Variants in BRD10 observed in about 807,000 individuals in gnomAD.
BRD10 encodes the protein bromodomain containing 10.
the BRD10 span, among the ~76,000 whole-genome samples, chr9:5,902,377 C>T: frequency 6.6e-6 from 1 of 152,076 alleles, no homozygotes; most frequent in Admixed American, 6.6e-5. Context: ...CTTAGCCTAG[C>T]TAAAGGCTTA....
chr9:5,919,774 CTGAGAGAGAGAT>C, the BRD10 span: 2 of 1,613,668 alleles, frequency 1.2e-6, no homozygotes, highest in Non-Finnish European at 1.7e-6. Context: ...ATACAACAAT[CTGAGAGAGAGAT>C]GGAGAGAGTG....
At chr9:5,900,837 T>A in the BRD10 span, among the ~76,000 whole-genome samples, 9,506 of 152,274 alleles carry the variant, frequency 0.062, 971 homozygotes, top group African/African-American at 0.21. Context: ...ACATCTTCAC[T>A]TGGAAGTTCA....
chr9:5,968,920 C>T, the BRD10 span: 13 of 1,612,196 alleles, frequency 8.1e-6, no homozygotes, highest in East Asian at 1.1e-4. Context: ...GTGTTTCATA[C>T]ACAAAGTCAC....
At chr9:5,965,549 T>C in the BRD10 span, among the ~76,000 whole-genome samples, 2 of 152,248 alleles carry the variant, frequency 1.3e-5, no homozygotes, top group African/African-American at 4.8e-5. Flanking sequence ...AGAGATTATA[T>C]GTTTGATTAC....
the BRD10 span, among the ~76,000 whole-genome samples, chr9:5,918,133 T>A: frequency 6.6e-6 from 1 of 152,174 alleles, no homozygotes; most frequent in Non-Finnish European, 1.5e-5. Context: ...GAGTAGAGCA[T>A]AAACATGACT....
At chr9:6,007,081 G>C in the BRD10 span, 6 of 1,062,862 alleles carry the variant, frequency 5.6e-6, no homozygotes, top group South Asian at 6.2e-5. Flanking sequence ...CTCCAGCACC[G>C]ACTCAGCACC....
chr9:5,972,414 T>A, the BRD10 span, among the ~76,000 whole-genome samples: 1 of 152,328 alleles, frequency 6.6e-6, no homozygotes, highest in African/African-American at 2.4e-5. Context: ...CTCCTTGATA[T>A]AGTTTGGATA....
At chr9:5,953,864 T>C in the BRD10 span, among the ~76,000 whole-genome samples, 1 of 152,180 alleles carries the variant, frequency 6.6e-6, no homozygotes, top group Admixed American at 6.5e-5. Flanking sequence ...CTTGGTTACA[T>C]CTGCACTTGC....
At chr9:5,953,969 CTG>C in the BRD10 span, 4 of 1,145,268 alleles carry the variant, frequency 3.5e-6, no homozygotes, top group Non-Finnish European at 5.1e-6. Context: ...GATATGAACA[CTG>C]AAACAAAAAA....
At chr9:6,006,209 C>T in the BRD10 span, among the ~76,000 whole-genome samples, 3 of 152,188 alleles carry the variant, frequency 2.0e-5, no homozygotes, top group South Asian at 2.1e-4. Context: ...GTTGATTTCA[C>T]ATTTATTAAC....
chr9:5,904,750 C>T, the BRD10 span, among the ~76,000 whole-genome samples: 1 of 151,796 alleles, frequency 6.6e-6, no homozygotes, highest in Non-Finnish European at 1.5e-5. Flanking sequence ...CAGGCGTGAG[C>T]CACCGCGCCC....
At chr9:5,983,060 G>C in the BRD10 span, among the ~76,000 whole-genome samples, 1 of 152,176 alleles carries the variant, frequency 6.6e-6, no homozygotes. Context: ...AGAGCCAACT[G>C]TCCTGGCTGT....
chr9:5,889,097 T>C, the BRD10 span, among the ~76,000 whole-genome samples: 1 of 152,310 alleles, frequency 6.6e-6, no homozygotes, highest in East Asian at 1.9e-4. Flanking sequence ...GGTGAAACCA[T>C]TATATCTGAG....
At chr9:6,002,732 A>C in the BRD10 span, among the ~76,000 whole-genome samples, 1 of 148,812 alleles carries the variant, frequency 6.7e-6, no homozygotes, top group South Asian at 2.1e-4. Context: ...GCTGGAGTGC[A>C]GCAGCACCAT....
At chr9:5,996,227 C>T in the BRD10 span, among the ~76,000 whole-genome samples, 2 of 152,046 alleles carry the variant, frequency 1.3e-5, no homozygotes, top group African/African-American at 2.4e-5. Context: ...CAAAACCTTC[C>T]AAAGCCATTA....
the BRD10 span, chr9:5,922,321 A>T: frequency 3.7e-6 from 6 of 1,613,876 alleles, no homozygotes; most frequent in South Asian, 6.6e-5. Flanking sequence ...TGGTCGGTGA[A>T]GCACTGGGCA....
the BRD10 span, chr9:5,906,974 T>C: frequency 6.2e-7 from 1 of 1,600,136 alleles, no homozygotes; most frequent in East Asian, 2.3e-5. Flanking sequence ...AAGTGTCTCT[T>C]CAAGAGAAAA....
the BRD10 span, among the ~76,000 whole-genome samples, chr9:5,901,498 A>G: frequency 6.6e-6 from 1 of 152,012 alleles, no homozygotes; most frequent in Non-Finnish European, 1.5e-5. Flanking sequence ...TAGTCTATTG[A>G]TGTATCAGAA....
At chr9:5,995,700 G>C in the BRD10 span, among the ~76,000 whole-genome samples, 1 of 152,158 alleles carries the variant, frequency 6.6e-6, no homozygotes, top group Non-Finnish European at 1.5e-5. Context: ...GTCACCCTTT[G>C]TTAAGAACTT....
Sources: gnomAD v4.1 joint callset for allele counts (sites outside exome capture counted in the v4.1 genomes callset) on GRCh38, gnomAD v4.1.1 for gene constraint, MANE v1.5 for transcripts, NCBI Gene and HGNC (gene_info 2026-07-23, HGNC 2026-07-21) for gene names.